GABRP: variants seen among roughly 807,000 people sequenced by gnomAD.
GABRP encodes gamma-aminobutyric acid type A receptor subunit pi.
GABRP carries 52 observed loss-of-function variants against 47.8 expected under a neutral mutation model. The observed-to-expected ratio is 1.09, with a 90% CI of 0.87 to 1.37. The LOEUF (loss-of-function observed/expected upper bound fraction) is 1.37. GABRP is among the 40% of genes most tolerant of loss of function. The probability of loss-of-function intolerance (pLI) is 0.00; values close to 1 mark genes in which losing one functional copy is unlikely to be tolerated. For synonymous variants in GABRP, 221 were observed against 205.8 expected (o/e 1.07, Z -0.63); for missense variants, 525 against 542.8 (o/e 0.97, Z 0.33).
At chr5:170,805,527 G>A (rs1460302180) in intron 6 of GABRP, among the ~76,000 whole-genome samples, 189 bp from the exon 7 acceptor site, 2 of 152,170 alleles carry the variant, frequency 1.3e-5, no homozygotes, top group African/African-American at 4.8e-5. Flanking sequence ...GTCCTGGCAG[G>A]TCACTTCATT....
At chr5:170,795,773 C>G (rs1017799493) in intron 5 of GABRP, among the ~76,000 whole-genome samples, 1 of 152,084 alleles carries the variant, frequency 6.6e-6, no homozygotes, top group Non-Finnish European at 1.5e-5. Flanking sequence ...GGATTCTGAG[C>G]TATGTCTTAA....
chr5:170,783,305 A>G (rs1765051753), upstream of GABRP, among the ~76,000 whole-genome samples: 1 of 152,138 alleles, frequency 6.6e-6, no homozygotes, highest in African/African-American at 2.4e-5. Flanking sequence ...AATACACAAC[A>G]AGAAATCGGA....
In GABRP at chr5:170,809,670, T is replaced by A; in HGVS notation, c.935T>A (p.Ile312Asn). ...FIKAIDVYLG[I>N]CFSFVFGALL... ...AAGGCCATCGATGTGTACCTGGGGA[T>A]CTGCTTTAGCTTTGTGTTTGGGGCC... Residue 312 changes from isoleucine (I) to asparagine (N), a missense_variant, in exon 9 of 10, where the codon ATC (isoleucine) becomes AAC (asparagine). Transcript: ENST00000265294. The A allele has an allele frequency of 6.2e-7, 1 of 1,614,118 alleles. No homozygotes were observed. The highest frequency in any genetic ancestry group is 8.5e-7 in the Non-Finnish European group (1 of 1,180,000).
chr5:170,798,837 T>G, intron 6 of GABRP, among the ~76,000 whole-genome samples: 1 of 152,216 alleles, frequency 6.6e-6, no homozygotes, highest in East Asian at 1.9e-4. Flanking sequence ...AGGGTACATG[T>G]GCACAACATG....
intron 6 of GABRP, among the ~76,000 whole-genome samples, chr5:170,803,559 G>A (rs1009451251): frequency 3.3e-5 from 5 of 151,996 alleles, no homozygotes; most frequent in South Asian, 2.1e-4. Context: ...GTACATTTCC[G>A]AGTAGTGCAA....
At chr5:170,791,450 G>C (rs1243911549) in intron 3 of GABRP, among the ~76,000 whole-genome samples, 2 of 152,242 alleles carry the variant, frequency 1.3e-5, no homozygotes, top group African/African-American at 4.8e-5. Context: ...GGATTTCTTA[G>C]GGATTGAGCT....
intron 5 of GABRP, among the ~76,000 whole-genome samples, chr5:170,796,787 C>G (rs139037094): frequency 9.2e-5 from 14 of 152,260 alleles, no homozygotes; most frequent in African/African-American, 3.1e-4. Flanking sequence ...ACCTCCATTT[C>G]CCCCAAGTAC....
At chr5:170,802,357 G>A (rs1042246445) in intron 6 of GABRP, among the ~76,000 whole-genome samples, 1 of 152,172 alleles carries the variant, frequency 6.6e-6, no homozygotes, top group Non-Finnish European at 1.5e-5. Context: ...AGAGCAGTGG[G>A]CACTCCTTAC....
In GABRP at chr5:170,807,957, T is replaced by A. The variant is rs1765780556; in HGVS notation, c.680-643T>A. ...CTGGCCACTACTGCTCACCTCCCCA[T>A]AATAGAAGCACAGCAGGAGCAGAGC... is the stretch of plus-strand genomic sequence containing the variant. On this transcript the variant is annotated intron_variant, in intron 7 of 9. Coordinates refer to ENST00000265294, the MANE Select transcript of GABRP (RefSeq NM_014211.3). Among the ~76,000 whole-genome samples, 5 of 152,154 alleles carry A rather than the reference T, an allele frequency of 3.3e-5. 1 individual carries two copies.
intron 7 of GABRP, among the ~76,000 whole-genome samples, chr5:170,807,655 G>A (rs1765770574): frequency 6.6e-6 from 1 of 152,030 alleles, no homozygotes; most frequent in Admixed American, 6.6e-5. Context: ...AAAACTTCCT[G>A]TGTCTCAATT....
At position 170,812,766 on chromosome 5, in the gene GABRP, G is replaced by A. The variant is rs528659893; in HGVS notation, c.*508G>A. The A allele has an allele frequency of 2.6e-5, 4 of 153,456 alleles. No homozygotes were observed. Among genetic ancestry groups the A allele is most frequent in the African/African-American group, 9.6e-5 (4 of 41,570 alleles). 9.5% of individuals were successfully genotyped at this position (153,456 alleles called of 1,614,324 possible). A position where few individuals can be genotyped will look rare whatever the true frequency, so the allele number is the denominator to read the frequency against. The stretch of plus-strand genomic sequence containing the variant: ...ATGGGCTTATGTCAATTCATTGGAA[G>A]TCAATGCACTAACTCAATACCAAGA... On this transcript the variant is annotated 3_prime_UTR_variant, in exon 10 of 10. Transcript: ENST00000265294.
At chr5:170,789,884 T>C (rs1341406147) in intron 3 of GABRP, among the ~76,000 whole-genome samples, 1 of 152,128 alleles carries the variant, frequency 6.6e-6, no homozygotes, top group African/African-American at 2.4e-5. Context: ...TAAACTTGAC[T>C]CCCTAGAAAA....
intron 6 of GABRP, among the ~76,000 whole-genome samples, chr5:170,801,282 T>G (rs1395486930): frequency 6.6e-6 from 1 of 152,226 alleles, no homozygotes; most frequent in African/African-American, 2.4e-5. Flanking sequence ...TGATCTGAGC[T>G]GCTTATTTTT....
chr5:170,788,339 G>A, intron 1 of GABRP: 1 of 336,492 alleles, frequency 3.0e-6, no homozygotes, highest in Non-Finnish European at 5.3e-6. Context: ...ACAGAGTGAG[G>A]CCCTGTTTAA....
chr5:170,811,761 C>A (rs1052792445), intron 9 of GABRP, among the ~76,000 whole-genome samples, 195 bp from the exon 10 acceptor site: 5 of 152,226 alleles, frequency 3.3e-5, no homozygotes, highest in Non-Finnish European at 7.3e-5. Flanking sequence ...TGGTGACCTA[C>A]AAATAGGTGT....
rs115615967 is a variant in GABRP, at chr5:170,812,330, C to G, written c.*72C>G. 1 of 1,212,290 alleles carries G rather than the reference C, an allele frequency of 8.2e-7. No individual in the cohort carries two copies. The highest frequency in any genetic ancestry group is 1.5e-5 in the African/African-American group (1 of 66,368). The allele number at this position is 1,212,290 out of a possible 1,614,324, so 75.1% of individuals were successfully genotyped here. A position where few individuals can be genotyped will look rare whatever the true frequency, so the allele number is the denominator to read the frequency against. ...ATAATGATGTAAATGGTATTTTAGG[C>G]CAAGTGTGCACCCACATCCAATGGT... On this transcript the variant is annotated 3_prime_UTR_variant, in exon 10 of 10. Transcript: ENST00000265294.
At chr5:170,795,030 C>T (rs529504355) in intron 4 of GABRP, among the ~76,000 whole-genome samples, 178 bp from the exon 5 acceptor site, 4 of 146,454 alleles carry the variant, frequency 2.7e-5, no homozygotes, top group African/African-American at 1.0e-4. Flanking sequence ...TCAGTTACCC[C>T]AGTCTTGGGG....
intron 6 of GABRP, among the ~76,000 whole-genome samples, chr5:170,799,104 A>T (rs1302843963): frequency 6.6e-6 from 1 of 152,220 alleles, no homozygotes; most frequent in Non-Finnish European, 1.5e-5. Context: ...TACAAAGGAC[A>T]TGAACTCATC....
chr5:170,800,622 C>CT (rs1295408085), intron 6 of GABRP, among the ~76,000 whole-genome samples: 2 of 152,212 alleles, frequency 1.3e-5, no homozygotes, highest in African/African-American at 2.4e-5. Flanking sequence ...GACTGAACAA[C>CT]TTTTTTGTTA....
Sources: allele counts gnomAD v4.1 joint callset (sites outside exome capture counted in the v4.1 genomes callset), GRCh38; gene constraint gnomAD v4.1.1; transcripts MANE v1.5; gene names NCBI Gene and HGNC (gene_info 2026-07-23, HGNC 2026-07-21).